Variants in IL17RA observed in about 807,000 individuals in gnomAD.
The protein encoded by IL17RA is interleukin-17 receptor A.
IL17RA carries 34 observed loss-of-function variants against 50.4 expected under a neutral mutation model. The ratio of observed to expected loss-of-function variants is 0.67; its 90% confidence interval spans 0.51 to 0.90. The LOEUF (loss-of-function observed/expected upper bound fraction) is 0.90. IL17RA is among the 40% of genes least tolerant of loss of function. IL17RA has a pLI of 0.00. For synonymous variants in IL17RA, 585 were observed against 510.4 expected, an observed-to-expected ratio of 1.15 and a Z score of -1.97; for missense variants, 1,276 against 1,169.8, an observed-to-expected ratio of 1.09 and a Z score of -1.32.
Position 17,106,252 on chromosome 22 carries a change from C to T in IL17RA, c.1045+298C>T, listed in dbSNP as rs549294385. Among the ~76,000 whole-genome samples, 25 of 152,268 alleles carry T rather than the reference C, an allele frequency of 1.6e-4. No homozygotes were observed. The South Asian group carries it at 5.0e-3, about 30-fold the overall frequency. On this transcript the variant is annotated intron_variant, in intron 11 of 12. Coordinates refer to ENST00000319363, the MANE Select transcript of IL17RA (RefSeq NM_014339.7). ...AAAGTTTCCCTGTGTCAGGAATGAT[C>T]ATCCAGGCAGGTGGAGCAGCCTGAA...
intron 10 of IL17RA, 52 bp downstream of exon 10, chr22:17,105,654 C>T (rs1281675441): frequency 6.2e-7 from 1 of 1,600,974 alleles, no homozygotes; most frequent in Non-Finnish European, 8.6e-7. Flanking sequence ...GGACATTCCC[C>T]AGTGGCCACT....
intron 3 of IL17RA, among the ~76,000 whole-genome samples, 175 bp from the exon 4 acceptor site, chr22:17,098,600 A>C (rs949060426): frequency 2.6e-5 from 4 of 152,226 alleles, no homozygotes; most frequent in Non-Finnish European, 5.9e-5. Context: ...AACTGTCTGC[A>C]AGGCGGTAGG....
At chr22:17,098,968 T>A in intron 4 of IL17RA, 81 bp downstream of exon 4, 1 of 1,164,702 alleles carries the variant, frequency 8.6e-7, no homozygotes, top group Non-Finnish European at 1.3e-6. Context: ...CAGACCCTGA[T>A]TTAGAGTGGG....
chr22:17,106,437 C>A (rs568975059), intron 11 of IL17RA, among the ~76,000 whole-genome samples: 26 of 152,346 alleles, frequency 1.7e-4, no homozygotes, highest in African/African-American at 6.3e-4. Flanking sequence ...TTACTTAATA[C>A]ACCATGGATT....
chr22:17,106,208 G>A (rs1056400545), intron 11 of IL17RA, among the ~76,000 whole-genome samples: 9 of 152,208 alleles, frequency 5.9e-5, no homozygotes, highest in Non-Finnish European at 1.3e-4. Flanking sequence ...AAAATCAATA[G>A]TTTGGAAGGA....
At chr22:17,094,687 C>CTATATATATA (rs1290093835) in intron 1 of IL17RA, among the ~76,000 whole-genome samples, 9 of 43,268 alleles carry the variant, frequency 2.1e-4, no homozygotes, top group East Asian at 1.0e-3. Flanking sequence ...CTCTCTCTCT[C>CTATATATATA]TCTCTATATA....
Position 17,113,733 on chromosome 22 carries a change from C to T in IL17RA, c.*3913C>T, listed in dbSNP as rs11702918. 0.13 allele frequency: 20,467 copies of T among 152,246 alleles called. 1,654 individuals carry two copies. The highest frequency in any genetic ancestry group is 0.22 in the African/African-American group (9,125 of 41,502). The allele number at this position is 152,246 out of a possible 1,614,324, so 9.4% of individuals were successfully genotyped here. ...GATGGAGGGCCGCTGCTCCAGCAGC[C>T]GGGCCTGCATCCCACAAGTCAACTG... On this transcript the variant is annotated 3_prime_UTR_variant, in exon 13 of 13. Transcript: ENST00000319363.
At position 17,109,426 on chromosome 22, in the gene IL17RA, C is replaced by T. The variant is rs759032840; in HGVS notation, c.2207C>T (p.Ser736Phe). The stretch of plus-strand genomic sequence containing the variant: ...CTTGGCAGCAGCACCCCCATGGCGT[C>T]TCCTGACCTCCTTCCAGAGGACGTG... Reference protein sequence around the residue: ...SPLGSSTPMASPDLLPEDVRE... With the variant: ...SPLGSSTPMAFPDLLPEDVRE... The change falls in exon 13 of 13, where the codon TCT (serine) becomes TTT (phenylalanine). Residue 736 changes from serine to phenylalanine, a missense_variant. Physicochemically the swap from Ser to Phe is radical, Grantham distance 155 (BLOSUM62 -2). Transcript: ENST00000319363. The T allele has an allele frequency of 6.2e-7, 1 of 1,613,408 alleles. No homozygotes were observed. Among genetic ancestry groups the T allele is most frequent in the Non-Finnish European group, 8.5e-7 (1 of 1,179,992 alleles).
chr22:17,100,830 TCTGCCCCCAGC>T (rs1219035430), intron 5 of IL17RA, among the ~76,000 whole-genome samples: 8 of 152,164 alleles, frequency 5.3e-5, no homozygotes, highest in African/African-American at 1.4e-4. Context: ...AGTTGCAGCC[TCTGCCCCCAGC>T]CTGGTCCCAG....
chr22:17,100,924 G>T (rs546792099), intron 5 of IL17RA, among the ~76,000 whole-genome samples: 6 of 152,192 alleles, frequency 3.9e-5, no homozygotes, highest in African/African-American at 1.2e-4. Flanking sequence ...CATGCATGGC[G>T]CTCTACTCCC....
intron 1 of IL17RA, among the ~76,000 whole-genome samples, chr22:17,085,436 C>A (rs1472933761): frequency 6.9e-6 from 1 of 145,156 alleles, no homozygotes. Flanking sequence ...GTGTGGAATA[C>A]GGGGGGGGTG....
Position 17,105,794 on chromosome 22 carries a change from G to A in IL17RA, c.944-59G>A, listed in dbSNP as rs191466693. ...CTGGGGCTGGGGAGCAGGGCTGGGG[G>A]CCTCAGGGTGGGCAGGGCAGGCCCC... On this transcript the variant is annotated intron_variant, in intron 10 of 12. Coordinates refer to ENST00000319363, the MANE Select transcript of IL17RA (RefSeq NM_014339.7). The A allele has an allele frequency of 6.0e-6, 9 of 1,489,596 alleles. No homozygotes were observed. The Admixed American group carries it at 8.5e-5, about 14-fold the overall frequency. The allele number at this position is 1,489,596 out of a possible 1,614,324, so 92.3% of individuals were successfully genotyped here. A position where few individuals can be genotyped will look rare whatever the true frequency, so the allele number is the denominator to read the frequency against.
chr22:17,094,691 C>CTCTCTCTCTCTCTATATATATATA (rs1448096911), intron 1 of IL17RA, among the ~76,000 whole-genome samples: 2 of 24,704 alleles, frequency 8.1e-5, no homozygotes, highest in Non-Finnish European at 1.3e-4. Flanking sequence ...CTCTCTCTCT[C>CTCTCTCTCTCTCTATATATATATA]TATATATATA....
At position 17,104,730 on chromosome 22, in the gene IL17RA, A is replaced by G. The variant is rs775751135; in HGVS notation, c.851A>G (p.Gln284Arg). ...KGCCRHQVQIQPFFSSCLNDC... is the reference protein window; with the variant it reads ...KGCCRHQVQIRPFFSSCLNDC... ...TCCTGCCCTCTCTGCCCGCAGATCC[A>G]GCCCTTCTTCAGCAGCTGCCTCAAT... Residue 284 changes from glutamine (Q) to arginine (R), a missense_variant, in exon 9 of 13, where the codon CAG (glutamine) becomes CGG (arginine). Coordinates refer to ENST00000319363, the MANE Select transcript of IL17RA (RefSeq NM_014339.7). 6.7e-5 allele frequency: 108 copies of G among 1,613,944 alleles called. No homozygotes were observed. Among genetic ancestry groups the G allele is most frequent in the Non-Finnish European group, 9.0e-5 (106 of 1,179,948 alleles).
At chr22:17,103,732 G>A (rs1465799902) in intron 8 of IL17RA, among the ~76,000 whole-genome samples, 155 bp downstream of exon 8, 4 of 149,894 alleles carry the variant, frequency 2.7e-5, no homozygotes, top group East Asian at 4.0e-4. Flanking sequence ...AGTGGGGAGC[G>A]TGCACAGGTG....
In IL17RA at chr22:17,100,264, C is replaced by G. The variant is rs556807061; in HGVS notation, c.424-91C>G. On this transcript the variant is annotated intron_variant, in intron 4 of 12. Transcript: ENST00000319363. Reference sequence around the variant, plus strand: ...TTGTTCTTATTTTTGGCTGAATATTCGGGAGTGGGTGGGAACGGGGGTCTT... The same window carrying G: ...TTGTTCTTATTTTTGGCTGAATATTGGGGAGTGGGTGGGAACGGGGGTCTT... 14 of 1,487,910 alleles carry G rather than the reference C, an allele frequency of 9.4e-6. No individual in the cohort carries two copies. The African/African-American group carries it at 1.9e-4, about 21-fold the overall frequency. The allele number at this position is 1,487,910 out of a possible 1,614,324, so 92.2% of individuals were successfully genotyped here. A position where few individuals can be genotyped will look rare whatever the true frequency, so the allele number is the denominator to read the frequency against.
At chr22:17,104,619 C>T (rs558258253) in intron 8 of IL17RA, 107 bp from the exon 9 acceptor site, 6 of 972,914 alleles carry the variant, frequency 6.2e-6, no homozygotes, top group African/African-American at 3.2e-5. Context: ...ACCTGGAGAT[C>T]GTGGTGTAGC....
intron 1 of IL17RA, among the ~76,000 whole-genome samples, chr22:17,088,045 T>C (rs2061334423): frequency 6.6e-6 from 1 of 152,172 alleles, no homozygotes; most frequent in Non-Finnish European, 1.5e-5. Context: ...CTCACAAGTA[T>C]TCCTTCATCC....
intron 1 of IL17RA, among the ~76,000 whole-genome samples, chr22:17,090,623 A>G (rs545986809): frequency 1.7e-4 from 26 of 152,284 alleles, no homozygotes; most frequent in Admixed American, 3.3e-4. Flanking sequence ...GTGTTAATTC[A>G]TGATTTGTTA....
Sources: gnomAD v4.1 joint callset for allele counts (sites outside exome capture counted in the v4.1 genomes callset) on GRCh38, gnomAD v4.1.1 for gene constraint, MANE v1.5 for transcripts, NCBI Gene and HGNC (gene_info 2026-07-23, HGNC 2026-07-21) for gene names.